The following SLC2A11 variants were observed in gnomAD, a reference collection of about 807,000 sequenced individuals.
SLC2A11 encodes the protein solute carrier family 2 member 11, also known as solute carrier family 2, facilitated glucose transporter member 11.
SLC2A11 carries 43 observed loss-of-function variants against 52.1 expected under a neutral mutation model. That is an observed-to-expected ratio of 0.82 (90% CI 0.65 to 1.06). SLC2A11 has a LOEUF of 1.06. Among genes scored for constraint, SLC2A11 ranks in the 50% least tolerant of loss-of-function variants. The pLI is 0.00. For synonymous variants in SLC2A11, 261 were observed against 277.6 expected (o/e 0.94, Z 0.59); for missense variants, 582 against 654.2 (o/e 0.89, Z 1.20).
chr22:23,860,038 A>G (rs1377362324), intron 1 of SLC2A11, among the ~76,000 whole-genome samples: 2 of 152,214 alleles, frequency 1.3e-5, no homozygotes, highest in South Asian at 2.1e-4. Context: ...GAAGGAGTTA[A>G]TTGTTGTGCC....
At chr22:23,862,302 T>G (rs2032099741) in intron 2 of SLC2A11, 100 bp downstream of exon 2, 1 of 1,085,522 alleles carries the variant, frequency 9.2e-7, no homozygotes, top group African/African-American at 1.5e-5. Flanking sequence ...TAGGTGGCAC[T>G]TTCTGCCACA....
At chr22:23,870,129 C>T in intron 3 of SLC2A11, 2 of 693,574 alleles carry the variant, frequency 2.9e-6, no homozygotes, top group Non-Finnish European at 5.3e-6. Context: ...CCACTGGGCT[C>T]ATATCTGCAC....
chr22:23,874,742 G>C (rs552219273), intron 3 of SLC2A11, among the ~76,000 whole-genome samples: 49 of 152,060 alleles, frequency 3.2e-4, no homozygotes, highest in Middle Eastern at 3.4e-3. Context: ...GTGAGCCACC[G>C]CGCCCAGCCT....
At chr22:23,865,369 T>C (rs957248760) in intron 2 of SLC2A11, 26 of 152,320 alleles carry the variant, frequency 1.7e-4, no homozygotes, top group African/African-American at 6.3e-4. Flanking sequence ...TGAGCCAAGA[T>C]TGCATCATTG....
rs550767514 is a variant in SLC2A11 at position 23,883,054 on chromosome 22, T to A, written c.993+185T>A. ...GGTGGGTGGATCACAAGGTCAGGAG[T>A]TCGAGACCAGCCTGGCCAACACAGT... On this transcript the variant is annotated intron_variant, in intron 8 of 11. Coordinates refer to ENST00000316185, the MANE Select transcript of SLC2A11 (RefSeq NM_001024939.4). 27 of 683,626 alleles carry A rather than the reference T, an allele frequency of 3.9e-5. No homozygotes were observed. The South Asian group carries it at 4.2e-4, about 11-fold the overall frequency. 42.3% of individuals were successfully genotyped at this position (683,626 alleles called of 1,614,324 possible). A position where few individuals can be genotyped will look rare whatever the true frequency, so the allele number is the denominator to read the frequency against.
Position 23,877,789 on chromosome 22 carries a change from A to G in SLC2A11, c.614A>G (p.Gln205Arg), listed in dbSNP as rs1196836194. ...AGCTGCCTGGTGCCCGGGGCGCTCCAGCTCGCCTCCCTGCCTCTGCTCCCT... is the reference window on the plus strand; with the variant it reads ...AGCTGCCTGGTGCCCGGGGCGCTCCGGCTCGCCTCCCTGCCTCTGCTCCCT... The part of the protein sequence containing the change: ...LASCLVPGAL[Q>R]LASLPLLPES... The change falls in exon 6 of 12, where the codon CAG becomes CGG. Residue 205 changes from glutamine to arginine, a missense_variant. Physicochemically the swap from Gln to Arg is conservative, Grantham distance 43. Coordinates refer to ENST00000316185, the MANE Select transcript of SLC2A11 (RefSeq NM_001024939.4). 2 of 1,610,788 alleles carry G rather than the reference A, an allele frequency of 1.2e-6. No individual in the cohort carries two copies. The highest frequency in any genetic ancestry group is 1.1e-5 in the South Asian group (1 of 90,296).
intron 3 of SLC2A11, chr22:23,872,938 C>T (rs1410550895): frequency 6.6e-6 from 1 of 152,242 alleles, no homozygotes; most frequent in Non-Finnish European, 1.5e-5. Flanking sequence ...GTGAACTCAT[C>T]AAAATAGTGG....
In SLC2A11 at chr22:23,882,458, G is replaced by T; in HGVS notation, c.695-1G>T. 1 of 1,535,750 alleles carries T rather than the reference G, an allele frequency of 6.5e-7. No homozygotes were observed. ...GCTCAGTACCCTCCTCCCTGGCTCAGCACTACGGCGGCTCCGGGGCTCCGG... is the reference window on the plus strand; with the variant it reads ...GCTCAGTACCCTCCTCCCTGGCTCATCACTACGGCGGCTCCGGGGCTCCGG... On this transcript the variant is annotated splice_acceptor_variant, in intron 6 of 11. Coordinates refer to ENST00000316185, the MANE Select transcript of SLC2A11 (RefSeq NM_001024939.4). LOFTEE classifies it high-confidence loss of function.
At position 23,857,987 on chromosome 22, in the gene SLC2A11, GC is replaced by G; in HGVS notation, c.-9del. The stretch of plus-strand genomic sequence containing the variant: ...CTGGGACAGCAAGACCTCCGCTCAG[GC>G]CCCTCTTTCGAATGCTCCACGCCCT... On this transcript the variant is annotated 5_prime_UTR_variant, in exon 1 of 12. Coordinates refer to ENST00000316185, the MANE Select transcript of SLC2A11 (RefSeq NM_001024939.4). The G allele has an allele frequency of 6.3e-7, 1 of 1,591,656 alleles. No homozygotes were observed. The highest frequency in any genetic ancestry group is 8.5e-7 in the Non-Finnish European group (1 of 1,170,164).
Position 23,884,763 on chromosome 22 carries a change from A to T in SLC2A11, c.1414A>T (p.Lys472Ter). The T allele has an allele frequency of 3.1e-6, 5 of 1,614,100 alleles. No homozygotes were observed. Among genetic ancestry groups the T allele is most frequent in the Non-Finnish European group, 4.2e-6 (5 of 1,180,006 alleles). ...AGGCAAGACCTTCCAAGAGATCTCC[A>T]AGGAATTACACAGACTCAACTTCCC... Reference protein sequence around the residue: ...TKGKTFQEISKELHRLNFPRR... With the variant: ...TKGKTFQEIS Residue 472 changes from lysine (K) to a stop codon, truncating the protein, a stop_gained, in exon 12 of 12, where the codon AAG becomes TAG. Transcript: ENST00000316185. LOFTEE classifies it low-confidence loss of function (END_TRUNC). This position sits in a 1 kb window ranked among gnomAD's most constrained non-coding sequence, Gnocchi z 4.3.
chr22:23,860,041 G>C (rs1166730502), intron 1 of SLC2A11, among the ~76,000 whole-genome samples: 1 of 152,192 alleles, frequency 6.6e-6, no homozygotes, highest in Non-Finnish European at 1.5e-5. Context: ...GGAGTTAATT[G>C]TTGTGCCTTT....
In SLC2A11 at chr22:23,862,878, C is replaced by T. The variant is rs150514011; in HGVS notation, c.129+676C>T. ...CCTCATGTGATCCGCCTGCCTCAGCCTCCCAAAGTACTGGGATTATAGGCA... is the reference window on the plus strand; with the variant it reads ...CCTCATGTGATCCGCCTGCCTCAGCTTCCCAAAGTACTGGGATTATAGGCA... On this transcript the variant is annotated intron_variant, in intron 2 of 11. Transcript: ENST00000316185. 6.6e-3 allele frequency among the ~76,000 whole-genome samples: 1,004 copies of T among 152,250 alleles called. 11 individuals carry two copies. The highest frequency in any genetic ancestry group is 0.023 in the African/African-American group (965 of 41,538).
upstream of SLC2A11, chr22:23,857,843 C>T: frequency 6.7e-7 from 1 of 1,502,940 alleles, no homozygotes. Context: ...GGGTTTGCTC[C>T]TCTCAAACGC....
At position 23,863,606 on chromosome 22, in the gene SLC2A11, T is replaced by TC. The variant is rs1297412456; in HGVS notation, c.129+1404_129+1405insC. Among the ~76,000 whole-genome samples, 15 of 131,562 alleles carry TC rather than the reference T, an allele frequency of 1.1e-4. No individual in the cohort carries two copies. In the South Asian group the frequency reaches 2.5e-3, roughly 22 times the overall value. The allele number at this position is 131,562 out of a possible 152,430, so 86.3% of individuals were successfully genotyped here. A position where few individuals can be genotyped will look rare whatever the true frequency, so the allele number is the denominator to read the frequency against. Reference sequence around the variant, plus strand: ...CCTGCCCCTGTTTTTTCTCTCTCTCTGGTTTTTTTTTTTTTTTTTTTTTTT... The same window carrying TC: ...CCTGCCCCTGTTTTTTCTCTCTCTCTCGGTTTTTTTTTTTTTTTTTTTTTTT... On this transcript the variant is annotated intron_variant, in intron 2 of 11. Transcript: ENST00000316185.
At chr22:23,878,333 G>A (rs1338702376) in intron 6 of SLC2A11, among the ~76,000 whole-genome samples, 1 of 150,998 alleles carries the variant, frequency 6.6e-6, no homozygotes. Flanking sequence ...ATCTCAGCTG[G>A]GCTAGTTCAC....
intron 6 of SLC2A11, chr22:23,880,726 T>C (rs779805865): frequency 6.6e-6 from 1 of 152,210 alleles, no homozygotes; most frequent in Non-Finnish European, 1.5e-5. Context: ...ACATTTTTTG[T>C]TGTTGTTTTC....
At chr22:23,877,655 A>G in intron 5 of SLC2A11, 66 bp from the exon 6 acceptor site, 4 of 1,500,044 alleles carry the variant, frequency 2.7e-6, no homozygotes, top group Non-Finnish European at 3.6e-6. Flanking sequence ...GTAGGTGGGC[A>G]GGAGAGCAGG....
In SLC2A11 at chr22:23,884,744, G is replaced by C; in HGVS notation, c.1395G>C (p.Lys465Asn). 1 of 1,614,174 alleles carries C rather than the reference G, an allele frequency of 6.2e-7. No individual in the cohort carries two copies. The highest frequency in any genetic ancestry group is 1.1e-5 in the South Asian group (1 of 91,072). The change falls in exon 12 of 12, where the codon AAG (lysine) becomes AAC (asparagine). Residue 465 changes from lysine (K) to asparagine (N), a missense_variant. By Grantham distance (94) the Lys-to-Asn change is moderately conservative. Coordinates refer to ENST00000316185, the MANE Select transcript of SLC2A11 (RefSeq NM_001024939.4). This position sits in a 1 kb window ranked among gnomAD's most constrained non-coding sequence, Gnocchi z 4.3. ...TGLFLPETKG[K>N]TFQEISKELH... Reference sequence around the variant, plus strand: ...TGTTCCTTCCTGAGACCAAAGGCAAGACCTTCCAAGAGATCTCCAAGGAAT... The same window carrying C: ...TGTTCCTTCCTGAGACCAAAGGCAACACCTTCCAAGAGATCTCCAAGGAAT...
chr22:23,857,230 A>G, upstream of SLC2A11: 1 of 729,784 alleles, frequency 1.4e-6, no homozygotes, highest in African/African-American at 1.8e-5. Flanking sequence ...AGGTCAGACC[A>G]GCGAGAGACA....
Sources: gnomAD v4.1 joint callset for allele counts (sites outside exome capture counted in the v4.1 genomes callset) on GRCh38, gnomAD v4.1.1 for gene constraint, Gnocchi (gnomAD v3.1) non-coding constraint, MANE v1.5 for transcripts, NCBI Gene and HGNC (gene_info 2026-07-23, HGNC 2026-07-21) for gene names.